Variants in EZH2 observed in about 807,000 individuals in gnomAD.
EZH2 encodes the protein histone-lysine N-methyltransferase EZH2.
A neutral mutation model predicts 98.4 loss-of-function variants in EZH2; 18 were observed. The observed-to-expected ratio is 0.18, with a 90% CI of 0.13 to 0.27. The LOEUF is 0.27. EZH2 is among the 10% of genes least tolerant of loss of function. The pLI is 1.00. For synonymous variants in EZH2, 338 were observed against 312.3 expected (o/e 1.08, Z -0.87); for missense variants, 470 against 935.1 (o/e 0.50, Z 6.49).
intron 1 of EZH2, among the ~76,000 whole-genome samples, chr7:148,883,875 C>A (rs1052425316): frequency 5.3e-5 from 8 of 151,808 alleles, no homozygotes; most frequent in African/African-American, 1.9e-4. Flanking sequence ...GGACAAGCAC[C>A]GGGAAAGGAG....
At chr7:148,873,507 A>AAAAAAG (rs1554427018) in intron 1 of EZH2, among the ~76,000 whole-genome samples, 3 of 145,530 alleles carry the variant, frequency 2.1e-5, no homozygotes, top group Non-Finnish European at 3.0e-5. Flanking sequence ...AAAAAAAAAA[A>AAAAAAG]AAAGAAAGAT....
chr7:148,874,231 AT>A (rs1425856533), intron 1 of EZH2, among the ~76,000 whole-genome samples: 1 of 152,180 alleles, frequency 6.6e-6, no homozygotes, highest in Non-Finnish European at 1.5e-5. Context: ...TAACAAAAAT[AT>A]AAAAAATTAG....
chr7:148,850,531 AAAG>A, intron 1 of EZH2: 7 of 636,718 alleles, frequency 1.1e-5, no homozygotes, highest in Non-Finnish European at 1.4e-5. Flanking sequence ...TAGACCTGTG[AAAG>A]AATATTAAAA....
At chr7:148,831,232 A>G (rs1307746237) in intron 4 of EZH2, among the ~76,000 whole-genome samples, 4 of 152,188 alleles carry the variant, frequency 2.6e-5, no homozygotes, top group Non-Finnish European at 5.9e-5. Context: ...GAAAAGAAAA[A>G]GTGGGATAAA....
chr7:148,820,210 A>T (rs1195406474), intron 8 of EZH2, among the ~76,000 whole-genome samples: 1 of 152,196 alleles, frequency 6.6e-6, no homozygotes, highest in Non-Finnish European at 1.5e-5. Context: ...ACCTGGTGAG[A>T]GCTTATAGTG....
intron 13 of EZH2, 109 bp downstream of exon 13, chr7:148,815,397 G>T (rs1446315937): frequency 8.7e-7 from 1 of 1,148,308 alleles, no homozygotes; most frequent in Non-Finnish European, 1.3e-6. Flanking sequence ...CATACAGAAG[G>T]CAATTATATT....
chr7:148,827,962 C>CA (rs1196353555), intron 6 of EZH2, among the ~76,000 whole-genome samples: 1 of 152,046 alleles, frequency 6.6e-6, no homozygotes, highest in Non-Finnish European at 1.5e-5. Flanking sequence ...CTAAAAAATA[C>CA]AAAAAATTAG....
rs6946982 is a variant in EZH2 at position 148,813,609 on chromosome 7, T to G, written c.1851+350A>C. Among the ~76,000 whole-genome samples the G allele has an allele frequency of 9.8e-3, 1,488 of 151,652 alleles. 7 individuals carry two copies. Among genetic ancestry groups the G allele is most frequent in the Non-Finnish European group, 0.015 (1,030 of 67,950 alleles). On this transcript the variant is annotated intron_variant, in intron 15 of 19. Coordinates refer to ENST00000320356, the MANE Select transcript of EZH2 (RefSeq NM_004456.5). Reference sequence around the variant, plus strand: ...GTCTATATTTTGATAGAAATCACCATTTATTTGCATTAAGGATACTAGATA... The same window carrying G: ...GTCTATATTTTGATAGAAATCACCAGTTATTTGCATTAAGGATACTAGATA...
Position 148,828,897 on chromosome 7 carries a change from G to A in EZH2, c.485-17C>T, listed in dbSNP as rs764034832. 1 of 1,590,928 alleles carries A rather than the reference G, an allele frequency of 6.3e-7. No individual in the cohort carries two copies. Reference sequence around the variant, plus strand: ...ACCCACATTCTGAAACGCATCAAATGTCAGAAACACACAGGAGAAGCAATA... The same window carrying A: ...ACCCACATTCTGAAACGCATCAAATATCAGAAACACACAGGAGAAGCAATA... On this transcript the variant is annotated splice_polypyrimidine_tract_variant and intron_variant, in intron 5 of 19. Coordinates refer to ENST00000320356, the MANE Select transcript of EZH2 (RefSeq NM_004456.5).
intron 1 of EZH2, among the ~76,000 whole-genome samples, chr7:148,856,947 T>C (rs990577596): frequency 2.0e-5 from 3 of 152,178 alleles, no homozygotes; most frequent in African/African-American, 7.2e-5. Flanking sequence ...GATTCAATGA[T>C]TCACTTCCAA....
chr7:148,833,228 A>G (rs895421433), intron 3 of EZH2, among the ~76,000 whole-genome samples: 3 of 151,940 alleles, frequency 2.0e-5, no homozygotes, highest in Non-Finnish European at 2.9e-5. Flanking sequence ...GGAGGCCGAG[A>G]CGGGCGGATC....
chr7:148,842,139 C>T (rs993403466), intron 3 of EZH2, among the ~76,000 whole-genome samples: 4 of 152,106 alleles, frequency 2.6e-5, no homozygotes, highest in Non-Finnish European at 5.9e-5. Flanking sequence ...TTATATTCTC[C>T]TGGGAATCTA....
intron 3 of EZH2, among the ~76,000 whole-genome samples, chr7:148,840,291 G>T (rs1290325749): frequency 1.3e-5 from 2 of 152,122 alleles, no homozygotes; most frequent in Admixed American, 6.5e-5. Flanking sequence ...TGTCCATCAA[G>T]AATGGGGCAA....
At chr7:148,878,930 AAGTATCCAGGCCAGGCGTGCGC>A in intron 1 of EZH2, among the ~76,000 whole-genome samples, 1 of 151,192 alleles carries the variant, frequency 6.6e-6, no homozygotes, top group Non-Finnish European at 1.5e-5. Flanking sequence ...AATGTTTAAA[AAGTATCCAGGCCAGGCGTGCGC>A]AGTAGCTCAC....
chr7:148,845,748 G>A (rs566422259), intron 3 of EZH2, among the ~76,000 whole-genome samples: 4 of 152,234 alleles, frequency 2.6e-5, no homozygotes, highest in Admixed American at 1.3e-4. Flanking sequence ...ATTCCAACTC[G>A]CTCTTTCCCC....
At chr7:148,819,403 A>G (rs1009220235) in intron 9 of EZH2, among the ~76,000 whole-genome samples, 193 bp downstream of exon 9, 3 of 152,210 alleles carry the variant, frequency 2.0e-5, no homozygotes, top group African/African-American at 7.2e-5. Flanking sequence ...AAAAAGAATA[A>G]TACCACATTA....
intron 7 of EZH2, among the ~76,000 whole-genome samples, chr7:148,826,883 C>T (rs1807863204): frequency 6.6e-6 from 1 of 152,126 alleles, no homozygotes; most frequent in Non-Finnish European, 1.5e-5. Flanking sequence ...CAAATTTCTA[C>T]CAGTATCCAG....
chr7:148,865,720 T>C (rs1275144788), intron 1 of EZH2, among the ~76,000 whole-genome samples: 3 of 152,212 alleles, frequency 2.0e-5, no homozygotes, highest in Non-Finnish European at 4.4e-5. Context: ...TTTTGCCTTG[T>C]ACACTAACTT....
At chr7:148,871,134 CA>C (rs2129491675) in intron 1 of EZH2, among the ~76,000 whole-genome samples, 1 of 152,080 alleles carries the variant, frequency 6.6e-6, no homozygotes, top group Admixed American at 6.6e-5. Context: ...ATCAAAACCA[CA>C]ATGAGATAGC....
Sources: allele counts gnomAD v4.1 joint callset (sites outside exome capture counted in the v4.1 genomes callset), GRCh38; gene constraint gnomAD v4.1.1; transcripts MANE v1.5; gene names NCBI Gene and HGNC (gene_info 2026-07-23, HGNC 2026-07-21).